RP1: variants seen among roughly 807,000 people sequenced by gnomAD.
The protein encoded by RP1 is oxygen-regulated protein 1.
In RP1, 16 loss-of-function variants were observed where a neutral mutation model predicts 14.8. The ratio of observed to expected loss-of-function variants is 1.08; its 90% CI spans 0.73 to 1.65. The LOEUF (loss-of-function observed/expected upper bound fraction) is 1.65. Ranked by LOEUF, RP1 falls within the 40% of genes most tolerant of loss-of-function variation. The pLI is 0.00. For synonymous variants in RP1, 876 were observed against 883.6 expected, an observed-to-expected ratio of 0.99 and a Z score of 0.15; for missense variants, 2,631 against 2,535.0, an observed-to-expected ratio of 1.04 and a Z score of -0.81.
At chr8:54,801,150 G>A (rs1177293378) in intron 24 of RP1, among the ~76,000 whole-genome samples, 1 of 152,218 alleles carries the variant, frequency 6.6e-6, no homozygotes, top group East Asian at 1.9e-4. Context: ...AGTCTAATTT[G>A]CCAGAGAGTG....
intron 28 of RP1, among the ~76,000 whole-genome samples, chr8:54,869,437 T>C (rs1166010967): frequency 6.6e-6 from 1 of 152,228 alleles, no homozygotes; most frequent in African/African-American, 2.4e-5. Flanking sequence ...ATATGGTTTG[T>C]ATTCTAGTTC....
intron 1 of RP1, among the ~76,000 whole-genome samples, chr8:54,580,160 T>C (rs1364735356): frequency 1.3e-5 from 2 of 150,840 alleles, no homozygotes; most frequent in Non-Finnish European, 2.9e-5. Context: ...ATGAAGTAAC[T>C]GCTGTGCAGG....
chr8:54,667,792 A>G (rs977618665), intron 7 of RP1, among the ~76,000 whole-genome samples: 2 of 152,090 alleles, frequency 1.3e-5, no homozygotes, highest in Non-Finnish European at 2.9e-5. Flanking sequence ...CAACCCAGTG[A>G]TGGTTTAAAG....
At chr8:54,852,074 GA>G (rs944364347) in intron 25 of RP1, among the ~76,000 whole-genome samples, 1 of 151,832 alleles carries the variant, frequency 6.6e-6, no homozygotes, top group African/African-American at 2.4e-5. Flanking sequence ...TGGACTTTTT[GA>G]AAAAATATAT....
At chr8:54,636,485 C>T (rs967012338) in intron 3 of RP1, among the ~76,000 whole-genome samples, 1 of 152,226 alleles carries the variant, frequency 6.6e-6, no homozygotes, top group African/African-American at 2.4e-5. Flanking sequence ...CGCCTGTAAT[C>T]CCAGCACTTT....
intron 12 of RP1, among the ~76,000 whole-genome samples, chr8:54,684,241 A>C (rs939072724): frequency 6.6e-6 from 1 of 151,980 alleles, no homozygotes; most frequent in Non-Finnish European, 1.5e-5. Context: ...TTTTGCATCT[A>C]TGTTAATCAG....
chr8:54,819,918 A>T (rs1038807739), intron 24 of RP1, among the ~76,000 whole-genome samples: 1 of 152,100 alleles, frequency 6.6e-6, no homozygotes, highest in Non-Finnish European at 1.5e-5. Flanking sequence ...GAAGTACTTG[A>T]TATAGTACTG....
intron 1 of RP1, among the ~76,000 whole-genome samples, chr8:54,608,202 A>T (rs4014228): frequency 0.43 from 56,007 of 129,826 alleles, 11,276 homozygotes; most frequent in African/African-American, 0.56. Flanking sequence ...TTTTTTTTTT[A>T]ATTTGAGATG....
intron 6 of RP1, among the ~76,000 whole-genome samples, chr8:54,661,237 T>TG (rs1192387613): frequency 8.7e-5 from 12 of 138,592 alleles, no homozygotes; most frequent in Non-Finnish European, 1.8e-4. Context: ...ATATATATAA[T>TG]ATATACATAA....
intron 5 of RP1, among the ~76,000 whole-genome samples, chr8:54,655,531 TG>T (rs2129327139): frequency 6.6e-6 from 1 of 152,334 alleles, no homozygotes; most frequent in Admixed American, 6.5e-5. Flanking sequence ...CTGTAGTGTA[TG>T]AAATCTGACC....
At chr8:54,674,281 C>T (rs967117016) in intron 8 of RP1, among the ~76,000 whole-genome samples, 3 of 152,022 alleles carry the variant, frequency 2.0e-5, no homozygotes, top group Admixed American at 2.0e-4. Context: ...TGGTGATATT[C>T]CTTGAAGGCT....
upstream of RP1, among the ~76,000 whole-genome samples, chr8:54,614,497 C>T (rs934262644): frequency 3.3e-5 from 5 of 152,038 alleles, no homozygotes; most frequent in African/African-American, 1.2e-4. Flanking sequence ...CAGCAAGATC[C>T]CAGGAAATTC....
At chr8:54,699,239 A>G (rs1415962673) in intron 12 of RP1, among the ~76,000 whole-genome samples, 1 of 151,956 alleles carries the variant, frequency 6.6e-6, no homozygotes, top group African/African-American at 2.4e-5. Flanking sequence ...TCAAGGAATC[A>G]CCAGTTTTTA....
chr8:54,864,746 C>T lies in RP1; in HGVS notation c.4070-1089C>T, dbSNP rs1047421717. ...TATGCCAGCCCCAATTCCACATTGCCTTGATTGGTATAGATTTACAATAAA... is the reference window on the plus strand; with the variant it reads ...TATGCCAGCCCCAATTCCACATTGCTTTGATTGGTATAGATTTACAATAAA... On this transcript the variant is annotated intron_variant, in intron 27 of 28. Coordinates refer to the RP1 transcript ENST00000637698. 3.3e-5 allele frequency among the ~76,000 whole-genome samples: 5 copies of T among 152,274 alleles called. No individual in the cohort carries two copies. The East Asian group carries it at 7.7e-4, about 23-fold the overall frequency.
exon 7 of RP1, chr8:54,663,781 G>A: frequency 2.6e-6 from 4 of 1,535,100 alleles, no homozygotes; most frequent in Non-Finnish European, 2.6e-6. Flanking sequence ...CTATCCATGG[G>A]GAAAAGGGAG....
chr8:54,686,973 G>C (rs1236971706), intron 12 of RP1, among the ~76,000 whole-genome samples: 1 of 151,954 alleles, frequency 6.6e-6, no homozygotes, highest in African/African-American at 2.4e-5. Context: ...TCTCCGTATT[G>C]ATTTATGTAA....
At position 54,663,731 on chromosome 8, in the gene RP1, G is replaced by A. The variant is rs1241660593; in HGVS notation, c.1204G>A (p.Glu402Lys). The change falls in exon 7 of 23, where the codon GAG becomes AAG. Residue 402 changes from glutamate to lysine, a missense_variant. Physicochemically the swap from Glu to Lys is moderately conservative, Grantham distance 56. Coordinates refer to the RP1 transcript ENST00000636932. ...ATATGAAGTGAATGTGGCAACGGGT[G>A]AGCTATGGAATGCTGGAACAGTAGC... 12 of 1,532,026 alleles carry A rather than the reference G, an allele frequency of 7.8e-6. No individual in the cohort carries two copies. The East Asian group carries it at 2.7e-4, about 34-fold the overall frequency. The allele number at this position is 1,532,026 out of a possible 1,614,324, so 94.9% of individuals were successfully genotyped here.
intron 16 of RP1, among the ~76,000 whole-genome samples, chr8:54,724,606 A>C (rs2129352036): frequency 6.6e-6 from 1 of 152,264 alleles, no homozygotes; most frequent in Middle Eastern, 3.4e-3. Context: ...AAAGTCAGAC[A>C]AAGGGCTACT....
At chr8:54,776,261 G>A (rs946798270) in intron 23 of RP1, among the ~76,000 whole-genome samples, 14 of 152,100 alleles carry the variant, frequency 9.2e-5, no homozygotes, top group Non-Finnish European at 1.8e-4. Flanking sequence ...GAGTGCAGTG[G>A]CATGATCATA....
Sources: allele counts gnomAD v4.1 joint callset (sites outside exome capture counted in the v4.1 genomes callset), GRCh38; gene constraint gnomAD v4.1.1; transcripts MANE v1.5; gene names NCBI Gene and HGNC (gene_info 2026-07-23, HGNC 2026-07-21).